FREM2: variants seen among roughly 807,000 people sequenced by gnomAD.
The protein encoded by FREM2 is FRAS1-related extracellular matrix protein 2.
Under a neutral mutation model 219.9 loss-of-function variants are expected in FREM2, and 119 were observed. The ratio of observed to expected loss-of-function variants is 0.54; its 90% CI spans 0.47 to 0.63. FREM2 has a LOEUF of 0.63. FREM2 is among the 30% of genes least tolerant of loss of function. The pLI is 0.00. For synonymous variants in FREM2, 1,562 were observed against 1,522.8 expected, an observed-to-expected ratio of 1.03 and a Z score of -0.60; for missense variants, 4,030 against 3,993.6, an observed-to-expected ratio of 1.01 and a Z score of -0.25.
chr13:38,872,799 G>T lies in FREM2; in HGVS notation c.8041G>T (p.Val2681Leu), dbSNP rs367698077. 8.1e-6 allele frequency: 13 copies of T among 1,613,992 alleles called. No homozygotes were observed. The Admixed American group carries it at 2.2e-4, about 27-fold the overall frequency. Residue 2681 changes from valine to leucine, a missense_variant, in exon 17 of 24, where the codon GTG (valine) becomes TTG (leucine). Physicochemically the swap from Val to Leu is conservative, Grantham distance 32. Coordinates refer to ENST00000280481, the MANE Select transcript of FREM2 (RefSeq NM_207361.6). ...TCGAGTCCCTCTGTATGTTTCCTACGTGTTCCATTCCCCCGTGGGGGTAGG... is the reference window on the plus strand; with the variant it reads ...TCGAGTCCCTCTGTATGTTTCCTACTTGTTCCATTCCCCCGTGGGGGTAGG... ...TLRVPLYVSYVFHSPVGVGGW... is the reference protein window; with the variant it reads ...TLRVPLYVSYLFHSPVGVGGW...
At chr13:38,838,669 T>C (rs1401696114) in intron 6 of FREM2, among the ~76,000 whole-genome samples, 2 of 152,226 alleles carry the variant, frequency 1.3e-5, no homozygotes, top group Non-Finnish European at 2.9e-5. Flanking sequence ...CTTTTCATTA[T>C]GTTTTCTCTA....
At chr13:38,713,328 T>C (rs924437602) in intron 2 of FREM2, among the ~76,000 whole-genome samples, 2 of 152,186 alleles carry the variant, frequency 1.3e-5, no homozygotes, top group African/African-American at 4.8e-5. Flanking sequence ...TGTTCCCTCA[T>C]CTGTAAACCT....
chr13:38,725,891 C>T (rs1046931782), intron 2 of FREM2, among the ~76,000 whole-genome samples: 1 of 152,254 alleles, frequency 6.6e-6, no homozygotes, highest in Admixed American at 6.5e-5. Flanking sequence ...ATGGCGATGT[C>T]TGTGAGTGAG....
rs895567706 is a variant in FREM2 at position 38,885,523 on chromosome 13, A to G, written c.*4736A>G. The G allele has an allele frequency of 6.6e-6, 1 of 151,986 alleles. No individual in the cohort carries two copies. The highest frequency in any genetic ancestry group is 2.4e-5 in the African/African-American group (1 of 41,376). The allele number at this position is 151,986 out of a possible 1,614,324, so 9.4% of individuals were successfully genotyped here. The stretch of plus-strand genomic sequence containing the variant: ...TTCTTTCTTTCTTTTAATTTGTTGA[A>G]CTATAGGTTTCTTTCTGAGATGTAT... On this transcript the variant is annotated 3_prime_UTR_variant, in exon 24 of 24. Coordinates refer to ENST00000280481, the MANE Select transcript of FREM2 (RefSeq NM_207361.6).
chr13:38,756,212 C>T (rs1408836639), intron 2 of FREM2, among the ~76,000 whole-genome samples: 3 of 152,154 alleles, frequency 2.0e-5, no homozygotes, highest in Non-Finnish European at 2.9e-5. Context: ...AATTATTCAG[C>T]GCAGTTACGT....
Position 38,883,999 on chromosome 13 carries a change from G to A in FREM2, c.*3212G>A, listed in dbSNP as rs1433794573. 1 of 152,124 alleles carries A rather than the reference G, an allele frequency of 6.6e-6. No homozygotes were observed. 9.4% of individuals were successfully genotyped at this position (152,124 alleles called of 1,614,324 possible). On this transcript the variant is annotated 3_prime_UTR_variant, in exon 24 of 24. Transcript: ENST00000280481. ...TTCTTTTCCTCTTAGTAAAAGATAGGCCCACTTTATTCCAAGAATAACACT... is the reference window on the plus strand; with the variant it reads ...TTCTTTTCCTCTTAGTAAAAGATAGACCCACTTTATTCCAAGAATAACACT...
Position 38,750,277 on chromosome 13 carries a change from G to A in FREM2, c.5264-14027G>A, listed in dbSNP as rs144598810. Among the ~76,000 whole-genome samples the A allele has an allele frequency of 4.3e-3, 652 of 152,180 alleles. 8 individuals are homozygous for A. The highest frequency in any genetic ancestry group is 0.015 in the African/African-American group (603 of 41,520). On this transcript the variant is annotated intron_variant, in intron 2 of 23. Coordinates refer to ENST00000280481, the MANE Select transcript of FREM2 (RefSeq NM_207361.6). ...AGGAGGTAACTGAATCATGAGGGCCGGTCTTTCCCTTGCTGTTCTTGTGAT... is the reference window on the plus strand; with the variant it reads ...AGGAGGTAACTGAATCATGAGGGCCAGTCTTTCCCTTGCTGTTCTTGTGAT...
chr13:38,744,039 A>G (rs1197500503), intron 2 of FREM2, among the ~76,000 whole-genome samples: 1 of 152,166 alleles, frequency 6.6e-6, no homozygotes, highest in Non-Finnish European at 1.5e-5. Context: ...ATTCTCATGG[A>G]AATGAATGGA....
intron 2 of FREM2, among the ~76,000 whole-genome samples, chr13:38,718,904 G>T (rs867740899): frequency 8.5e-5 from 13 of 152,274 alleles, no homozygotes; most frequent in Middle Eastern, 3.4e-3. Flanking sequence ...GTCGTTTCTA[G>T]TATTCTCATT....
At chr13:38,739,071 T>G (rs1872124317) in intron 2 of FREM2, among the ~76,000 whole-genome samples, 1 of 152,174 alleles carries the variant, frequency 6.6e-6, no homozygotes, top group South Asian at 2.1e-4. Flanking sequence ...ACAGAATGCT[T>G]GGCAATGTCC....
Position 38,710,204 on chromosome 13 carries a change from A to C in FREM2, c.5263+12417A>C, listed in dbSNP as rs112297083. Among the ~76,000 whole-genome samples, 25 of 152,130 alleles carry C rather than the reference A, an allele frequency of 1.6e-4. 1 individual carries two copies. Among genetic ancestry groups the C allele is most frequent in the African/African-American group, 5.3e-4 (22 of 41,500 alleles). On this transcript the variant is annotated intron_variant, in intron 2 of 23. Transcript: ENST00000280481. The stretch of plus-strand genomic sequence containing the variant: ...CTCTGTCACGAAACAACAACAACAA[A>C]AAAACACAAAAAACATCAATGATAT...
intron 6 of FREM2, among the ~76,000 whole-genome samples, chr13:38,792,722 A>C (rs901180835): frequency 5.3e-5 from 8 of 152,200 alleles, no homozygotes; most frequent in African/African-American, 1.7e-4. Context: ...TACATTTGCA[A>C]CTATAGGCAG....
chr13:38,818,731 G>A (rs560702988), intron 6 of FREM2, among the ~76,000 whole-genome samples: 1 of 152,042 alleles, frequency 6.6e-6, no homozygotes, highest in Non-Finnish European at 1.5e-5. Flanking sequence ...GGGAGGTTGA[G>A]GCAGGTGGAT....
At chr13:38,793,070 A>G (rs1244462696) in intron 6 of FREM2, among the ~76,000 whole-genome samples, 1 of 152,250 alleles carries the variant, frequency 6.6e-6, no homozygotes, top group African/African-American at 2.4e-5. Flanking sequence ...GCAGTTTAAT[A>G]AATTTTTATT....
At chr13:38,831,665 A>T (rs1033515792) in intron 6 of FREM2, among the ~76,000 whole-genome samples, 6 of 144,760 alleles carry the variant, frequency 4.1e-5, no homozygotes, top group African/African-American at 1.6e-4. Flanking sequence ...GCTGGAGTTC[A>T]GTGGTGTGAT....
chr13:38,750,768 A>G (rs1010337159), intron 2 of FREM2, among the ~76,000 whole-genome samples: 2 of 151,880 alleles, frequency 1.3e-5, no homozygotes, highest in African/African-American at 4.8e-5. Context: ...ATGTCAGCTC[A>G]CTACAACCTC....
chr13:38,870,038 T>C (rs1159465421), intron 16 of FREM2, among the ~76,000 whole-genome samples: 2 of 152,202 alleles, frequency 1.3e-5, no homozygotes, highest in African/African-American at 4.8e-5. Context: ...AAACATGAAA[T>C]TATAATGTAC....
intron 2 of FREM2, among the ~76,000 whole-genome samples, chr13:38,740,103 A>G (rs927183836): frequency 3.3e-5 from 5 of 151,934 alleles, no homozygotes; most frequent in African/African-American, 1.2e-4. Context: ...CATGTGTTTT[A>G]TAAGTTCTAA....
chr13:38,832,921 C>T (rs1876566689), intron 6 of FREM2, among the ~76,000 whole-genome samples: 1 of 152,040 alleles, frequency 6.6e-6, no homozygotes, highest in African/African-American at 2.4e-5. Context: ...CGCTTGTAGT[C>T]CCAGCTACTC....
Sources: gnomAD v4.1 joint callset for allele counts (sites outside exome capture counted in the v4.1 genomes callset) on GRCh38, gnomAD v4.1.1 for gene constraint, MANE v1.5 for transcripts, NCBI Gene and HGNC (gene_info 2026-07-23, HGNC 2026-07-21) for gene names.